SPATA7: variants seen among roughly 807,000 people sequenced by gnomAD.
The protein encoded by SPATA7 is spermatogenesis-associated protein 7.
Under a neutral mutation model 51.8 loss-of-function variants are expected in SPATA7, and 43 were observed. That is an observed-to-expected ratio of 0.83 (90% confidence interval 0.65 to 1.07). The LOEUF is 1.07. Ranked by LOEUF, SPATA7 falls within the 50% of genes least tolerant of loss-of-function variation. The pLI is 0.00. For missense variants in SPATA7, 683 were observed against 701.3 expected (o/e 0.97, Z 0.30); for synonymous variants, 230 against 252.8 (o/e 0.91, Z 0.86).
downstream of SPATA7, among the ~76,000 whole-genome samples, chr14:88,455,854 C>G (rs112735853): frequency 0.037 from 5,543 of 150,940 alleles, 338 homozygotes; most frequent in African/African-American, 0.13. Context: ...TTAGGTATAT[C>G]TCCTAATGCT....
At chr14:88,416,574 A>G (rs1223303141) in intron 4 of SPATA7, 137 bp from the exon 5 acceptor site, 3 of 808,174 alleles carry the variant, frequency 3.7e-6, no homozygotes, top group Admixed American at 5.2e-5. Flanking sequence ...AACTCTTTAT[A>G]TAGGAAAATA....
chr14:88,456,547 C>A (rs1465255268), downstream of SPATA7, among the ~76,000 whole-genome samples: 1 of 152,136 alleles, frequency 6.6e-6, no homozygotes, highest in Non-Finnish European at 1.5e-5. Context: ...TGTTCATATC[C>A]TTCGCCCACT....
chr14:88,450,867 C>T (rs79846905), intron 3 of SPATA7, among the ~76,000 whole-genome samples: 5,783 of 152,246 alleles, frequency 0.038, 360 homozygotes, highest in African/African-American at 0.13. Context: ...AGGAAGTTTT[C>T]TTCAATTATT....
intron 4 of SPATA7, among the ~76,000 whole-genome samples, chr14:88,397,459 A>G (rs2075918732): frequency 6.6e-6 from 1 of 152,140 alleles, no homozygotes; most frequent in Non-Finnish European, 1.5e-5. Context: ...CCTAGGCAAC[A>G]TGGTGAAACC....
At chr14:88,448,131 G>A (rs1414065529) in intron 3 of SPATA7, among the ~76,000 whole-genome samples, 2 of 152,080 alleles carry the variant, frequency 1.3e-5, no homozygotes, top group South Asian at 2.1e-4. Flanking sequence ...CCAATCAGAC[G>A]TAGATTTGGT....
At chr14:88,460,778 A>C (rs2077312040) in intron 4 of SPATA7, among the ~76,000 whole-genome samples, 1 of 152,050 alleles carries the variant, frequency 6.6e-6, no homozygotes, top group African/African-American at 2.4e-5. Flanking sequence ...GGAGGGGGAG[A>C]GGCGCTCTGA....
chr14:88,417,772 T>G (rs2076525726), intron 5 of SPATA7, among the ~76,000 whole-genome samples: 1 of 152,224 alleles, frequency 6.6e-6, no homozygotes, highest in South Asian at 2.1e-4. Context: ...CTGTCCATTA[T>G]TGATACTGGC....
chr14:88,434,698 A>AG (rs1254452445), intron 10 of SPATA7, among the ~76,000 whole-genome samples: 31 of 151,720 alleles, frequency 2.0e-4, no homozygotes, highest in Admixed American at 7.9e-4. Flanking sequence ...AAAAAAAAAA[A>AG]AAAAGAAAAA....
rs1483774167 is a variant in SPATA7 at position 88,431,097 on chromosome 14, A to G, written c.1029-75A>G. ...AGATAAGGGCTATTCAGTGTGTACT[A>G]ATATACAATGTTATTGAGTACTTAT... On this transcript the variant is annotated intron_variant, in intron 8 of 11. Transcript: ENST00000393545. 2.2e-5 allele frequency: 27 copies of G among 1,226,028 alleles called. No individual in the cohort carries two copies. The Middle Eastern group carries it at 5.6e-4, about 25-fold the overall frequency. 75.9% of individuals were successfully genotyped at this position (1,226,028 alleles called of 1,614,324 possible). A position where few individuals can be genotyped will look rare whatever the true frequency, so the allele number is the denominator to read the frequency against.
At chr14:88,447,105 A>T (rs1211440629) in intron 3 of SPATA7, among the ~76,000 whole-genome samples, 22 of 149,992 alleles carry the variant, frequency 1.5e-4, no homozygotes, top group Admixed American at 1.3e-3. Flanking sequence ...CCCATTATTA[A>T]TGTGTGGGAG....
intron 7 of SPATA7, 24 bp from the exon 8 acceptor site, chr14:88,429,324 A>G (rs1419725175): frequency 7.1e-7 from 1 of 1,408,750 alleles, no homozygotes; most frequent in Non-Finnish European, 1.0e-6. Context: ...GCAAAAATAA[A>G]TATTTTTTTT....
chr14:88,386,171 G>A, intron 1 of SPATA7: 1 of 608,498 alleles, frequency 1.6e-6, no homozygotes, highest in Non-Finnish European at 2.6e-6. Context: ...ACCTCCCCGG[G>A]CCCCAAATCA....
intron 5 of SPATA7, among the ~76,000 whole-genome samples, chr14:88,417,678 T>C (rs748684038): frequency 3.3e-4 from 50 of 152,318 alleles, no homozygotes; most frequent in South Asian, 2.1e-4. Context: ...GCATTCCTGT[T>C]GTAAACAGAA....
rs376629546 is a variant in SPATA7 at position 88,453,310 on chromosome 14, AAAG to A, written c.178-1744_178-1742del. 2.0e-5 allele frequency among the ~76,000 whole-genome samples: 3 copies of A among 152,210 alleles called. No individual in the cohort carries two copies. The East Asian group carries it at 5.8e-4, about 29-fold the overall frequency. On this transcript the variant is annotated intron_variant, in intron 3 of 3. Transcript: ENST00000554802. Reference sequence around the variant, plus strand: ...CAGAAAGTTCAGGTTCCCCGTGTAGAAAGAAGAATGTAGCAGATTGCTAAGCTA... The same window carrying A: ...CAGAAAGTTCAGGTTCCCCGTGTAGAAAGAATGTAGCAGATTGCTAAGCTA...
chr14:88,455,117 G>A, exon 4 of SPATA7: 2 of 455,838 alleles, frequency 4.4e-6, no homozygotes, highest in Non-Finnish European at 8.8e-6. Context: ...TGAATAAAGT[G>A]GACACAACAA....
In SPATA7 at chr14:88,466,560, A is replaced by G. The variant is rs374896851; in HGVS notation, c.255-3287A>G. ...GACATTTTGGAAGTTCACTGTAAGA[A>G]GAGACCCCAAAAAGAAGGAAAAGGG... On this transcript the variant is annotated intron_variant, in intron 4 of 4. Coordinates refer to the SPATA7 transcript ENST00000556406. The G allele has an allele frequency of 5.9e-5, 9 of 152,344 alleles. No homozygotes were observed. The East Asian group carries it at 1.5e-3, about 26-fold the overall frequency. 9.4% of individuals were successfully genotyped at this position (152,344 alleles called of 1,614,324 possible).
At position 88,426,424 on chromosome 14, in the gene SPATA7, G is replaced by A. The variant is rs905542502; in HGVS notation, c.565G>A (p.Gly189Arg). The A allele has an allele frequency of 1.2e-6, 2 of 1,614,114 alleles. No individual in the cohort carries two copies. Among genetic ancestry groups the A allele is most frequent in the Non-Finnish European group, 1.7e-6 (2 of 1,180,022 alleles). ...GTCCAGTGTGGATTATGCAGCCTCC[G>A]GGCCCCGGAAACTGAGCTCTGGAGC... ...SPSSVDYAAS[G>R]PRKLSSGALY... The change falls in exon 6 of 12, where the codon GGG becomes AGG. Residue 189 changes from glycine to arginine, a missense_variant. Coordinates refer to ENST00000393545, the MANE Select transcript of SPATA7 (RefSeq NM_018418.5).
intron 4 of SPATA7, among the ~76,000 whole-genome samples, chr14:88,409,187 G>T (rs774583613): frequency 6.6e-6 from 1 of 152,128 alleles, no homozygotes; most frequent in Non-Finnish European, 1.5e-5. Flanking sequence ...GCTCCTCTTT[G>T]TACCTATAGA....
At position 88,429,440 on chromosome 14, in the gene SPATA7, T is replaced by A. The variant is rs757790456; in HGVS notation, c.1005T>A (p.Asp335Glu). Residue 335 changes from aspartate to glutamate, a missense_variant, in exon 8 of 12, where the codon GAT becomes GAA. Coordinates refer to ENST00000393545, the MANE Select transcript of SPATA7 (RefSeq NM_018418.5). ...HDSTWDEIKD[D>E]ALQHSSPRAM... The stretch of plus-strand genomic sequence containing the variant: ...CAACATGGGATGAGATTAAGGATGA[T>A]GCTCTTCAGCATTCCTCACCAAGGT... The A allele has an allele frequency of 3.7e-6, 6 of 1,611,482 alleles. No homozygotes were observed. The highest frequency in any genetic ancestry group is 5.1e-6 in the Non-Finnish European group (6 of 1,177,864).
Sources: allele counts gnomAD v4.1 joint callset (sites outside exome capture counted in the v4.1 genomes callset), GRCh38; gene constraint gnomAD v4.1.1; transcripts MANE v1.5; gene names NCBI Gene and HGNC (gene_info 2026-07-23, HGNC 2026-07-21).